The following CLSTN2 variants were observed in gnomAD, a reference collection of about 807,000 sequenced individuals.
The protein encoded by CLSTN2 is calsyntenin-2.
A neutral mutation model predicts 101.2 loss-of-function variants in CLSTN2; 48 were observed. The observed-to-expected ratio is 0.47, with a 90% confidence interval of 0.38 to 0.60. CLSTN2 has a LOEUF of 0.60. Ranked by LOEUF, CLSTN2 falls within the 20% of genes least tolerant of loss-of-function variation. The probability of loss-of-function intolerance (pLI) is 0.00; values close to 1 mark genes in which losing one functional copy is unlikely to be tolerated. For synonymous variants in CLSTN2, 481 were observed against 463.6 expected (o/e 1.04, Z -0.48); for missense variants, 1,160 against 1,238.2 (o/e 0.94, Z 0.95).
chr3:140,485,564 C>T (rs1934220950), intron 8 of CLSTN2, among the ~76,000 whole-genome samples: 1 of 152,190 alleles, frequency 6.6e-6, no homozygotes, highest in African/African-American at 2.4e-5. Flanking sequence ...GTGGAGTCTA[C>T]AGTGGCAGGC....
At chr3:140,344,407 T>C (rs1054066862) in intron 2 of CLSTN2, among the ~76,000 whole-genome samples, 1 of 152,158 alleles carries the variant, frequency 6.6e-6, no homozygotes, top group Non-Finnish European at 1.5e-5. Context: ...GTATTGCCAC[T>C]CCAACATCAC....
intron 1 of CLSTN2, among the ~76,000 whole-genome samples, chr3:140,104,585 C>T (rs1330775853): frequency 2.6e-5 from 4 of 152,104 alleles, no homozygotes; most frequent in Non-Finnish European, 5.9e-5. Context: ...GCTGATTTAC[C>T]CCATAAAGTG....
intron 8 of CLSTN2, among the ~76,000 whole-genome samples, chr3:140,530,247 C>T (rs773005337): frequency 6.6e-6 from 1 of 152,206 alleles, no homozygotes; most frequent in African/African-American, 2.4e-5. Context: ...CATTTTAGTG[C>T]TGATGCTACA....
intron 1 of CLSTN2, among the ~76,000 whole-genome samples, chr3:139,964,193 G>T (rs1037710020): frequency 6.6e-6 from 1 of 152,110 alleles, no homozygotes; most frequent in Non-Finnish European, 1.5e-5. Context: ...TTCAGATCAC[G>T]ATATCAGCAG....
At chr3:140,376,332 G>A (rs2087916588) in intron 2 of CLSTN2, among the ~76,000 whole-genome samples, 1 of 152,220 alleles carries the variant, frequency 6.6e-6, no homozygotes, top group African/African-American at 2.4e-5. Context: ...AGGTACTCAA[G>A]GCTGCCCCTT....
At chr3:140,063,148 A>G (rs1208572823) in intron 1 of CLSTN2, among the ~76,000 whole-genome samples, 5 of 152,188 alleles carry the variant, frequency 3.3e-5, no homozygotes, top group African/African-American at 1.2e-4. Context: ...TCTGTTGGTC[A>G]CAATGTTCTA....
intron 1 of CLSTN2, among the ~76,000 whole-genome samples, chr3:140,134,257 T>C (rs1434394988): frequency 1.3e-5 from 2 of 152,226 alleles, no homozygotes; most frequent in Admixed American, 6.5e-5. Flanking sequence ...TCCCCCTATG[T>C]GCTCATTCTC....
intron 5 of CLSTN2, among the ~76,000 whole-genome samples, chr3:140,426,669 A>C (rs761032704): frequency 3.9e-5 from 6 of 152,132 alleles, no homozygotes; most frequent in Admixed American, 2.6e-4. Flanking sequence ...TTAGGATGGG[A>C]AGGAGAGGTT....
intron 1 of CLSTN2, among the ~76,000 whole-genome samples, chr3:140,150,872 A>C (rs968031038): frequency 3.9e-5 from 6 of 152,262 alleles, no homozygotes; most frequent in African/African-American, 1.4e-4. Flanking sequence ...TTCCCAGTAC[A>C]TAAGATAGGT....
intron 8 of CLSTN2, among the ~76,000 whole-genome samples, chr3:140,502,746 C>T (rs1048746360): frequency 6.6e-6 from 1 of 151,900 alleles, no homozygotes; most frequent in Non-Finnish European, 1.5e-5. Context: ...GCAGAAGTGG[C>T]GTACACAAAG....
rs1055561649 is a variant in CLSTN2, at chr3:140,050,430, T to C, written c.109+114947T>C. Among the ~76,000 whole-genome samples, 8 of 152,306 alleles carry C rather than the reference T, an allele frequency of 5.3e-5. No homozygotes were observed. The East Asian group carries it at 1.5e-3, about 29-fold the overall frequency. ...AATGTTAAGGGATACCAGAAAGGGA[T>C]AGTGAAATATTCAGGGCTAGCATCA... On this transcript the variant is annotated intron_variant, in intron 1 of 16. Transcript: ENST00000458420.
rs548188687 is a variant in CLSTN2 at position 140,217,137 on chromosome 3, G to A, written c.232+41064G>A. On this transcript the variant is annotated intron_variant, in intron 2 of 16. Coordinates refer to ENST00000458420, the MANE Select transcript of CLSTN2 (RefSeq NM_022131.3). Reference sequence around the variant, plus strand: ...TCTTGTGGAAGGAGAGGATACACACGCCCAAATCTTCTGACTTTACAGTTT... The same window carrying A: ...TCTTGTGGAAGGAGAGGATACACACACCCAAATCTTCTGACTTTACAGTTT... Among the ~76,000 whole-genome samples, 11 of 152,198 alleles carry A rather than the reference G, an allele frequency of 7.2e-5. No homozygotes were observed. The South Asian group carries it at 1.7e-3, about 23-fold the overall frequency.
At chr3:139,970,398 T>C (rs779779637) in intron 1 of CLSTN2, among the ~76,000 whole-genome samples, 11 of 152,198 alleles carry the variant, frequency 7.2e-5, no homozygotes, top group Non-Finnish European at 1.6e-4. Context: ...TCCACAGTAC[T>C]TGGCATCATA....
chr3:140,000,251 C>T (rs1405350666), intron 1 of CLSTN2, among the ~76,000 whole-genome samples: 1 of 152,192 alleles, frequency 6.6e-6, no homozygotes, highest in South Asian at 2.1e-4. Flanking sequence ...TTACCCATTC[C>T]TGGGGTAGTA....
At chr3:140,470,732 G>A (rs569563739) in intron 8 of CLSTN2, among the ~76,000 whole-genome samples, 2 of 152,326 alleles carry the variant, frequency 1.3e-5, no homozygotes, top group African/African-American at 2.4e-5. Context: ...GGGAATTCTA[G>A]TATGACATTC....
intron 1 of CLSTN2, among the ~76,000 whole-genome samples, chr3:140,111,475 G>C (rs2009154539): frequency 6.6e-6 from 1 of 152,152 alleles, no homozygotes; most frequent in Admixed American, 6.5e-5. Flanking sequence ...AACCCCTGAA[G>C]CCAAGTGGTG....
intron 1 of CLSTN2, among the ~76,000 whole-genome samples, chr3:139,945,652 A>G (rs1935203626): frequency 6.6e-6 from 1 of 152,202 alleles, no homozygotes; most frequent in Non-Finnish European, 1.5e-5. Flanking sequence ...GAACCAGTCA[A>G]AACTGTTAAT....
At chr3:139,977,047 G>T (rs991637084) in intron 1 of CLSTN2, among the ~76,000 whole-genome samples, 9 of 152,166 alleles carry the variant, frequency 5.9e-5, no homozygotes, top group Admixed American at 4.6e-4. Context: ...TTGCAAACAG[G>T]AATCAGTGGG....
chr3:140,093,905 A>G (rs2008823648), intron 1 of CLSTN2, among the ~76,000 whole-genome samples: 1 of 152,220 alleles, frequency 6.6e-6, no homozygotes, highest in South Asian at 2.1e-4. Flanking sequence ...GAGTAAATAC[A>G]AGTAGAGTCC....
Sources: allele counts gnomAD v4.1 joint callset (sites outside exome capture counted in the v4.1 genomes callset), GRCh38; gene constraint gnomAD v4.1.1; transcripts MANE v1.5; gene names NCBI Gene and HGNC (gene_info 2026-07-23, HGNC 2026-07-21).